The following AATF variants were observed in gnomAD, a reference collection of about 807,000 sequenced individuals.
AATF encodes the protein apoptosis antagonizing transcription factor.
A neutral mutation model predicts 63.7 loss-of-function variants in AATF; 48 were observed. The observed-to-expected ratio is 0.75, with a 90% CI of 0.60 to 0.96. AATF has a LOEUF of 0.96. Among genes scored for constraint, AATF ranks in the 40% least tolerant of loss-of-function variants. The pLI is 0.00. For synonymous variants in AATF, 258 were observed against 247.7 expected, an observed-to-expected ratio of 1.04 and a Z score of -0.39; for missense variants, 639 against 685.7, an observed-to-expected ratio of 0.93 and a Z score of 0.76.
intron 6 of AATF, 82 bp from the exon 7 acceptor site, chr17:36,989,163 GAC>G: frequency 7.1e-7 from 1 of 1,410,144 alleles, no homozygotes; most frequent in South Asian, 1.5e-5. Flanking sequence ...TCTCTCTGCT[GAC>G]ACAGAAAGAT....
chr17:37,018,960 A>G (rs781596880), intron 8 of AATF, 45 bp from the exon 9 acceptor site: 106 of 1,517,148 alleles, frequency 7.0e-5, no homozygotes, highest in Non-Finnish European at 9.1e-5. Flanking sequence ...AGTCAGTTGT[A>G]CTGGAAGATG....
intron 4 of AATF, 37 bp downstream of exon 4, chr17:36,953,944 C>G: frequency 6.3e-7 from 1 of 1,598,664 alleles, no homozygotes; most frequent in African/African-American, 1.3e-5. Flanking sequence ...TACTTAGAAC[C>G]ACTTTGTCAA....
intron 8 of AATF, among the ~76,000 whole-genome samples, chr17:36,993,486 A>G (rs1392877938): frequency 6.6e-6 from 1 of 152,220 alleles, no homozygotes; most frequent in African/African-American, 2.4e-5. Flanking sequence ...AAGCCAATTC[A>G]GTGATAAGGC....
intron 8 of AATF, among the ~76,000 whole-genome samples, chr17:37,004,270 G>C (rs2071324827): frequency 6.6e-6 from 1 of 152,184 alleles, no homozygotes; most frequent in African/African-American, 2.4e-5. Flanking sequence ...GGCGGAGGTT[G>C]CAGTGAGCTG....
chr17:36,986,113 G>T (rs2071166774), intron 4 of AATF, among the ~76,000 whole-genome samples: 1 of 152,188 alleles, frequency 6.6e-6, no homozygotes, highest in South Asian at 2.1e-4. Flanking sequence ...AGGCACATGA[G>T]ATCTCCTGGG....
intron 4 of AATF, among the ~76,000 whole-genome samples, chr17:36,979,849 G>GA (rs2071107652): frequency 6.6e-6 from 1 of 151,986 alleles, no homozygotes; most frequent in African/African-American, 2.4e-5. Flanking sequence ...ATGAATCAGG[G>GA]AAAAAAATAA....
At chr17:37,000,045 G>A (rs2071282478) in intron 8 of AATF, 1 of 152,224 alleles carries the variant, frequency 6.6e-6, no homozygotes, top group African/African-American at 2.4e-5. Context: ...GAATATAGAG[G>A]AGTAATATGA....
At chr17:36,988,893 AGAC>A (rs1380791289) in intron 6 of AATF, among the ~76,000 whole-genome samples, 173 bp downstream of exon 6, 1 of 152,234 alleles carries the variant, frequency 6.6e-6, no homozygotes, top group Middle Eastern at 3.2e-3. Context: ...TATACGATTC[AGAC>A]TTGGGATTTT....
intron 8 of AATF, among the ~76,000 whole-genome samples, chr17:37,007,923 CAGTTTCTCATGATCT>C (rs1227371813): frequency 6.6e-6 from 1 of 152,150 alleles, no homozygotes; most frequent in Non-Finnish European, 1.5e-5. Flanking sequence ...ACTTCTGCTC[CAGTTTCTCATGATCT>C]AGTTTGGAAA....
chr17:37,029,659 G>A (rs1367009235), intron 10 of AATF, among the ~76,000 whole-genome samples: 3 of 151,912 alleles, frequency 2.0e-5, no homozygotes, highest in Non-Finnish European at 2.9e-5. Flanking sequence ...TCCATCTCCC[G>A]GGTTCAAGGG....
chr17:36,960,019 T>C (rs548874413), intron 4 of AATF, among the ~76,000 whole-genome samples: 4 of 150,718 alleles, frequency 2.7e-5, no homozygotes, highest in Admixed American at 6.6e-5. Context: ...GACTAAAATT[T>C]TTTTCCCCCC....
At position 37,031,572 on chromosome 17, in the gene AATF, T is replaced by C. The variant is rs1227223108; in HGVS notation, c.1548-42T>C. The C allele has an allele frequency of 4.7e-6, 7 of 1,475,596 alleles. 1 individual carries two copies. The South Asian group carries it at 7.9e-5, about 17-fold the overall frequency. 91.4% of individuals were successfully genotyped at this position (1,475,596 alleles called of 1,614,324 possible). ...GAATGTGTTTCCTCTCCTAGGTTAA[T>C]AGTTACTAATGTTGCTGCCTGTTGC... On this transcript the variant is annotated intron_variant, in intron 10 of 11. Transcript: ENST00000619387.
At chr17:37,038,534 G>C (rs12325974) in intron 11 of AATF, among the ~76,000 whole-genome samples, 1 of 152,178 alleles carries the variant, frequency 6.6e-6, no homozygotes, top group Non-Finnish European at 1.5e-5. Context: ...TGCATTAAAT[G>C]CTGCTTCAAG....
intron 8 of AATF, among the ~76,000 whole-genome samples, chr17:37,005,373 G>A (rs992501945): frequency 1.3e-5 from 2 of 152,130 alleles, no homozygotes; most frequent in African/African-American, 4.8e-5. Flanking sequence ...GAGAGGAAGA[G>A]GGATGCTGAA....
At chr17:36,965,961 T>G (rs369716523) in intron 4 of AATF, among the ~76,000 whole-genome samples, 5 of 152,092 alleles carry the variant, frequency 3.3e-5, no homozygotes, top group African/African-American at 1.2e-4. Flanking sequence ...TGAAGAGATG[T>G]CTAAGTATGG....
At chr17:36,951,944 T>C (rs1222565849) in intron 2 of AATF, among the ~76,000 whole-genome samples, 2 of 152,208 alleles carry the variant, frequency 1.3e-5, no homozygotes, top group East Asian at 3.8e-4. Flanking sequence ...CACATGGGGC[T>C]TTTATGTTCT....
chr17:37,032,114 T>C (rs978289405), intron 11 of AATF, among the ~76,000 whole-genome samples: 1 of 152,218 alleles, frequency 6.6e-6, no homozygotes, highest in Non-Finnish European at 1.5e-5. Flanking sequence ...ATGCTTATTT[T>C]ATAAAGCTGA....
chr17:37,030,543 A>T (rs1196032452), intron 10 of AATF, among the ~76,000 whole-genome samples: 5 of 152,160 alleles, frequency 3.3e-5, no homozygotes, highest in African/African-American at 4.8e-5. Flanking sequence ...GTATAAGGTC[A>T]TATATTTTCT....
chr17:37,053,314 T>C (rs1360549987), intron 11 of AATF, among the ~76,000 whole-genome samples: 3 of 151,964 alleles, frequency 2.0e-5, no homozygotes, highest in Non-Finnish European at 4.4e-5. Context: ...TATATATTGA[T>C]TATATCCTAA....
Sources: allele counts gnomAD v4.1 joint callset (sites outside exome capture counted in the v4.1 genomes callset), GRCh38; gene constraint gnomAD v4.1.1; transcripts MANE v1.5; gene names NCBI Gene and HGNC (gene_info 2026-07-23, HGNC 2026-07-21).